CSMD1: variants seen among roughly 807,000 people sequenced by gnomAD.
CSMD1 encodes the protein CUB and Sushi multiple domains 1.
In CSMD1, 213 loss-of-function variants were observed where a neutral mutation model predicts 417.5. The observed-to-expected ratio is 0.51, with a 90% confidence interval of 0.46 to 0.57. The LOEUF (loss-of-function observed/expected upper bound fraction) is 0.57. Among genes scored for constraint, CSMD1 ranks in the 20% least tolerant of loss-of-function variants. The pLI is 0.00. For synonymous variants in CSMD1, 2,862 were observed against 1,736.8 expected (o/e 1.65, Z -16.11); for missense variants, 6,923 against 4,529.7 (o/e 1.53, Z -15.17).
chr8:3,892,424 C>T (rs1460124461), intron 5 of CSMD1, among the ~76,000 whole-genome samples: 1 of 152,128 alleles, frequency 6.6e-6, no homozygotes, highest in Non-Finnish European at 1.5e-5. Flanking sequence ...TTCCCCAAAG[C>T]TTGTGAAGTG....
intron 1 of CSMD1, among the ~76,000 whole-genome samples, chr8:4,663,040 C>G (rs1012140056): frequency 6.6e-6 from 1 of 152,166 alleles, no homozygotes. Flanking sequence ...CTGTTCCAGC[C>G]CAGAGCTGAC....
Position 3,586,262 on chromosome 8 carries a change from T to C in CSMD1, c.1098-2A>G. 1 of 1,520,612 alleles carries C rather than the reference T, an allele frequency of 6.6e-7. No homozygotes were observed. 94.2% of individuals were successfully genotyped at this position (1,520,612 alleles called of 1,614,324 possible). A position where few individuals can be genotyped will look rare whatever the true frequency, so the allele number is the denominator to read the frequency against. On this transcript the variant is annotated splice_acceptor_variant, in intron 8 of 69. Transcript: ENST00000635120. LOFTEE classifies it high-confidence loss of function. ...GAAAACTGTACATTTGCACCAACCCTAAGCCGTTAAAAAAGAAAAAAAAAA... is the reference window on the plus strand; with the variant it reads ...GAAAACTGTACATTTGCACCAACCCCAAGCCGTTAAAAAAGAAAAAAAAAA...
intron 3 of CSMD1, among the ~76,000 whole-genome samples, chr8:4,383,909 T>C (rs1353948479): frequency 6.6e-6 from 1 of 152,134 alleles, no homozygotes. Context: ...CTCATAAATG[T>C]TTATAAATAT....
chr8:3,116,136 C>T lies in CSMD1; in HGVS notation c.6430+2263G>A, dbSNP rs115068547. On this transcript the variant is annotated intron_variant, in intron 42 of 69. Transcript: ENST00000635120. ...ATATAAACTTTCACAAGTAAAGCAC[C>T]TTTTGCGTTAAATAACACCTTTTTT... Among the ~76,000 whole-genome samples the T allele has an allele frequency of 6.4e-3, 969 of 152,026 alleles. 14 individuals are homozygous for T. The highest frequency in any genetic ancestry group is 0.022 in the African/African-American group (921 of 41,380).
At chr8:3,411,532 G>C (rs964840961) in intron 12 of CSMD1, among the ~76,000 whole-genome samples, 4 of 151,580 alleles carry the variant, frequency 2.6e-5, no homozygotes, top group African/African-American at 9.7e-5. Context: ...TTATGAGTGA[G>C]AACATATGAT....
rs116297350 is a variant in CSMD1, at chr8:3,907,764, C to G, written c.818+90139G>C. On this transcript the variant is annotated intron_variant, in intron 5 of 69. Transcript: ENST00000635120. The stretch of plus-strand genomic sequence containing the variant: ...CAGACCTGCCTGTGTCAGTCAGTAA[C>G]AGACTGACTCTTAGAATCACCCGCT... Among the ~76,000 whole-genome samples the G allele has an allele frequency of 2.3e-3, 352 of 152,306 alleles. 3 individuals carry two copies. Among genetic ancestry groups the G allele is most frequent in the African/African-American group, 7.8e-3 (323 of 41,570 alleles).
At chr8:4,017,614 G>A (rs183299913) in intron 4 of CSMD1, among the ~76,000 whole-genome samples, 30 of 152,124 alleles carry the variant, frequency 2.0e-4, no homozygotes, top group Admixed American at 7.9e-4. Context: ...CTGCCACCTC[G>A]TTTATAACTC....
chr8:3,468,698 T>C lies in CSMD1; in HGVS notation c.1561+14A>G. 6.5e-7 allele frequency: 1 copy of C among 1,538,696 alleles called. No individual in the cohort carries two copies. The highest frequency in any genetic ancestry group is 8.9e-7 in the Non-Finnish European group (1 of 1,122,082). ...TGCTAACTTCCAACCCTGTGAAGTG[T>C]AATCTCATCATACCTTGGTAAACAG... On this transcript the variant is annotated intron_variant, in intron 12 of 69. Coordinates refer to ENST00000635120, the MANE Select transcript of CSMD1 (RefSeq NM_033225.6).
chr8:4,055,302 T>G, intron 3 of CSMD1, among the ~76,000 whole-genome samples: 1 of 152,150 alleles, frequency 6.6e-6, no homozygotes. Context: ...CTAGAAAGAT[T>G]CCAATGTCTC....
Position 3,556,837 on chromosome 8 carries a change from T to G in CSMD1, c.1344+18108A>C, listed in dbSNP as rs78782200. 2.0e-5 allele frequency among the ~76,000 whole-genome samples: 3 copies of G among 151,734 alleles called. No individual in the cohort carries two copies. In the East Asian group the frequency reaches 5.8e-4, roughly 29 times the overall value. ...GGATGCCCCTCTCCCTTCACTGCCA[T>G]AGGGCTTACCCCCTCTGGACAGATC... is the stretch of plus-strand genomic sequence containing the variant. On this transcript the variant is annotated intron_variant, in intron 10 of 69. Transcript: ENST00000635120.
At chr8:3,448,641 G>A (rs2117094967) in intron 12 of CSMD1, among the ~76,000 whole-genome samples, 1 of 152,170 alleles carries the variant, frequency 6.6e-6, no homozygotes, top group Non-Finnish European at 1.5e-5. Flanking sequence ...GGGGCAAGGA[G>A]CGGGGCAGCA....
chr8:4,797,983 C>T (rs1306846594), intron 1 of CSMD1, among the ~76,000 whole-genome samples: 3 of 152,170 alleles, frequency 2.0e-5, no homozygotes, highest in South Asian at 2.1e-4. Context: ...TGCATCTATG[C>T]AAAATTATTC....
chr8:3,845,166 G>A (rs1803414405), intron 5 of CSMD1, among the ~76,000 whole-genome samples: 1 of 152,160 alleles, frequency 6.6e-6, no homozygotes, highest in Non-Finnish European at 1.5e-5. Context: ...ACAGTTTATG[G>A]GAATTAGAAA....
Position 4,637,494 on chromosome 8 carries a change from G to C in CSMD1, c.150C>G (p.His50Gln), listed in dbSNP as rs528565092. 8.7e-6 allele frequency: 14 copies of C among 1,613,648 alleles called. No individual in the cohort carries two copies. In the South Asian group the frequency reaches 1.1e-4, roughly 13 times the overall value. Residue 50 changes from histidine to glutamine, a missense_variant, in exon 2 of 70, where the codon CAC becomes CAG. Transcript: ENST00000635120. The stretch of plus-strand genomic sequence containing the variant: ...TGCAGTTGGCATAGTTCGGATACCC[G>C]TGAGGAAACCCTGGGCTCTCAATAG... ...NGTIESPGFP[H>Q]GYPNYANCTW...
At chr8:4,186,876 G>T (rs540728318) in intron 3 of CSMD1, among the ~76,000 whole-genome samples, 1,626 of 151,290 alleles carry the variant, frequency 0.011, 24 homozygotes, top group African/African-American at 0.036. Context: ...AGTGCCTGTA[G>T]TCCCAGCTAC....
At chr8:3,542,417 G>T (rs1423860502) in intron 10 of CSMD1, among the ~76,000 whole-genome samples, 5 of 152,096 alleles carry the variant, frequency 3.3e-5, no homozygotes, top group South Asian at 2.1e-4. Flanking sequence ...TCCAGATACC[G>T]TTCTACGATT....
chr8:4,572,158 C>T lies in CSMD1; in HGVS notation c.302+65184G>A, dbSNP rs577799557. 8.5e-5 allele frequency among the ~76,000 whole-genome samples: 13 copies of T among 152,188 alleles called. 1 individual carries two copies. The highest frequency in any genetic ancestry group is 1.3e-4 in the Admixed American group (2 of 15,270). On this transcript the variant is annotated intron_variant, in intron 2 of 69. Transcript: ENST00000635120. ...TTATGTGTGAATTCGAACCTGTCATCATGGTGCTATCTGGTTATTTTGCAC... is the reference window on the plus strand; with the variant it reads ...TTATGTGTGAATTCGAACCTGTCATTATGGTGCTATCTGGTTATTTTGCAC...
At chr8:4,276,578 A>G (rs1796500126) in intron 3 of CSMD1, among the ~76,000 whole-genome samples, 1 of 152,174 alleles carries the variant, frequency 6.6e-6, no homozygotes, top group African/African-American at 2.4e-5. Context: ...GTACCCCAGA[A>G]CTTTAAGTAT....
chr8:3,085,361 A>G (rs1814452210), intron 49 of CSMD1, among the ~76,000 whole-genome samples: 1 of 152,252 alleles, frequency 6.6e-6, no homozygotes, highest in African/African-American at 2.4e-5. Context: ...CTGTTTTAGA[A>G]AAATGATACT....
Sources: gnomAD v4.1 joint callset for allele counts (sites outside exome capture counted in the v4.1 genomes callset) on GRCh38, gnomAD v4.1.1 for gene constraint, MANE v1.5 for transcripts, NCBI Gene and HGNC (gene_info 2026-07-23, HGNC 2026-07-21) for gene names.